The following NR4A3 variants were observed in gnomAD, a reference collection of about 807,000 sequenced individuals.
NR4A3 encodes the protein nuclear receptor subfamily 4 group A member 3, also known as chondrosarcoma, extraskeletal myxoid, fused to EWS.
A neutral mutation model predicts 55.6 loss-of-function variants in NR4A3; 13 were observed. That is an observed-to-expected ratio of 0.23 (90% CI 0.15 to 0.37). The LOEUF (loss-of-function observed/expected upper bound fraction) is 0.37. Among genes scored for constraint, NR4A3 ranks in the 10% least tolerant of loss-of-function variants. NR4A3 has a pLI of 1.00. For missense variants in NR4A3, 646 were observed against 822.8 expected, an observed-to-expected ratio of 0.79 and a Z score of 2.63; for synonymous variants, 342 against 357.9, an observed-to-expected ratio of 0.96 and a Z score of 0.50.
At chr9:99,833,026 C>T (rs1291533945) in intron 4 of NR4A3, among the ~76,000 whole-genome samples, 3 of 152,110 alleles carry the variant, frequency 2.0e-5, no homozygotes, top group Non-Finnish European at 4.4e-5. Context: ...TGTATACATA[C>T]ATCTTTGTTC....
At chr9:99,855,660 A>G (rs958495945) in intron 7 of NR4A3, among the ~76,000 whole-genome samples, 4 of 152,218 alleles carry the variant, frequency 2.6e-5, no homozygotes, top group Non-Finnish European at 5.9e-5. Context: ...CGTGGGCTCA[A>G]TGTCTCTGGG....
intron 7 of NR4A3, among the ~76,000 whole-genome samples, chr9:99,852,625 G>A (rs1160961784): frequency 6.6e-6 from 1 of 152,204 alleles, no homozygotes; most frequent in Non-Finnish European, 1.5e-5. Context: ...GTGCTCAAAT[G>A]CCATTTTGTT....
chr9:99,860,742 C>A (rs1827996637), intron 7 of NR4A3, among the ~76,000 whole-genome samples: 1 of 152,210 alleles, frequency 6.6e-6, no homozygotes, highest in South Asian at 2.1e-4. Flanking sequence ...TGATGCACTG[C>A]AAAGCTTGGA....
chr9:99,862,582 A>AAAAAG (rs1564041242), intron 7 of NR4A3, among the ~76,000 whole-genome samples: 171 of 116,014 alleles, frequency 1.5e-3, no homozygotes, highest in Non-Finnish European at 2.2e-3. Flanking sequence ...AAAAAAAAAA[A>AAAAAG]AGAGAGAGAA....
rs1215540317 is a variant in NR4A3 at position 99,865,941 on chromosome 9, G to C, written c.*2074G>C. On this transcript the variant is annotated 3_prime_UTR_variant, in exon 8 of 8. Transcript: ENST00000395097. The surrounding 1 kb of genome is among the most constrained non-coding windows in gnomAD (Gnocchi z 4.3). Reference sequence around the variant, plus strand: ...TTAAAATTCATAGAGGAGCAAACTGGGGCCCATTGAAGGGTGAAGAGTTAC... The same window carrying C: ...TTAAAATTCATAGAGGAGCAAACTGCGGCCCATTGAAGGGTGAAGAGTTAC... 4.6e-6 allele frequency: 1 copy of C among 219,196 alleles called. No homozygotes were observed. The highest frequency in any genetic ancestry group is 5.8e-5 in the Admixed American group (1 of 17,284). The allele number at this position is 219,196 out of a possible 1,614,324, so 13.6% of individuals were successfully genotyped here. A position where few individuals can be genotyped will look rare whatever the true frequency, so the allele number is the denominator to read the frequency against.
intron 2 of NR4A3, chr9:99,826,747 T>A: frequency 6.2e-7 from 1 of 1,613,526 alleles, no homozygotes; most frequent in Non-Finnish European, 8.5e-7. Context: ...TCACCTTTTT[T>A]CAAGTCAAGA....
chr9:99,827,701 T>C (rs1827329328), intron 2 of NR4A3, among the ~76,000 whole-genome samples: 1 of 152,174 alleles, frequency 6.6e-6, no homozygotes, highest in Non-Finnish European at 1.5e-5. Flanking sequence ...CCACTCCAAT[T>C]AGTTTATAGG....
intron 5 of NR4A3, among the ~76,000 whole-genome samples, chr9:99,834,379 C>G (rs901928235): frequency 6.6e-6 from 1 of 152,100 alleles, no homozygotes; most frequent in African/African-American, 2.4e-5. Context: ...GAAAAAAAAT[C>G]ACAATTATTG....
In NR4A3 at chr9:99,866,599, G is replaced by A. The variant is rs139531298; in HGVS notation, c.*2732G>A. On this transcript the variant is annotated 3_prime_UTR_variant, in exon 8 of 8. Transcript: ENST00000395097. ...AATGTTGCACATAAGTTTATACAGA[G>A]TGGATGACCACACTAGCACAGAAGA... 10 of 228,420 alleles carry A rather than the reference G, an allele frequency of 4.4e-5. No individual in the cohort carries two copies. The East Asian group carries it at 6.3e-4, about 14-fold the overall frequency. 14.1% of individuals were successfully genotyped at this position (228,420 alleles called of 1,614,324 possible).
At chr9:99,826,720 C>A in intron 2 of NR4A3, 1 of 1,577,408 alleles carries the variant, frequency 6.3e-7, no homozygotes, top group Non-Finnish European at 8.7e-7. Context: ...ATCACTGCTT[C>A]TTCCAACAGG....
chr9:99,857,562 G>A lies in NR4A3; in HGVS notation c.1634-6058G>A, dbSNP rs188006115. Among the ~76,000 whole-genome samples, 622 of 151,970 alleles carry A rather than the reference G, an allele frequency of 4.1e-3. 1 individual carries two copies. The highest frequency in any genetic ancestry group is 7.6e-3 in the Non-Finnish European group (516 of 67,964). On this transcript the variant is annotated intron_variant, in intron 7 of 7. Coordinates refer to ENST00000395097, the MANE Select transcript of NR4A3 (RefSeq NM_006981.4). ...AGCACTTTGGGAGGCCAAGGCAGGC[G>A]GATCACAAGGTCAAGAGATGGACAC...
chr9:99,827,490 G>T (rs189483628), intron 2 of NR4A3, among the ~76,000 whole-genome samples: 23 of 152,298 alleles, frequency 1.5e-4, no homozygotes, highest in African/African-American at 5.3e-4. Flanking sequence ...ACCACAACGT[G>T]TGTGGGCAAC....
intron 7 of NR4A3, among the ~76,000 whole-genome samples, chr9:99,855,348 G>A (rs977651750): frequency 5.3e-5 from 8 of 152,160 alleles, no homozygotes; most frequent in Admixed American, 1.3e-4. Context: ...GGCCAATTGT[G>A]AGTATCAGAA....
At chr9:99,844,872 A>C (rs975311245) in intron 6 of NR4A3, 24 bp downstream of exon 6, 52 of 1,571,298 alleles carry the variant, frequency 3.3e-5, no homozygotes, top group Non-Finnish European at 4.1e-5. Context: ...TTTTATCTTC[A>C]GTCTACGTCC....
chr9:99,828,138 C>A lies in NR4A3; in HGVS notation c.96C>A (p.Asn32Lys). 6.2e-7 allele frequency: 1 copy of A among 1,614,110 alleles called. No individual in the cohort carries two copies. The highest frequency in any genetic ancestry group is 8.5e-7 in the Non-Finnish European group (1 of 1,180,028). The change falls in exon 3 of 8, where the codon AAC becomes AAA. Residue 32 changes from asparagine (N) to lysine (K), a missense_variant. Physicochemically the swap from Asn to Lys is moderately conservative, Grantham distance 94. Around this residue, in one of 5 missense-constraint regions of NR4A3, gnomAD observed 426 missense variants for 429.4 expected, o/e 0.99. Coordinates refer to ENST00000395097, the MANE Select transcript of NR4A3 (RefSeq NM_006981.4). This position sits in a 1 kb window ranked among gnomAD's most constrained non-coding sequence, Gnocchi z 7.7. ...YSSEYTTEIM[N>K]PDYTKLTMDL... ...CGGAATACACCACGGAGATCATGAA[C>A]CCCGACTACACCAAGCTGACCATGG...
At chr9:99,843,063 A>G (rs1827682162) in intron 5 of NR4A3, among the ~76,000 whole-genome samples, 1 of 152,222 alleles carries the variant, frequency 6.6e-6, no homozygotes, top group Non-Finnish European at 1.5e-5. Context: ...TTGCTGTGTC[A>G]GTCTTCCTGC....
chr9:99,828,407 G>C lies in NR4A3; in HGVS notation c.365G>C (p.Ser122Thr). The change falls in exon 3 of 8, where the codon AGC becomes ACC. Residue 122 changes from serine to threonine, a missense_variant. Ser to Thr is a moderately conservative substitution (Grantham distance 58). This residue lies in a region of NR4A3 where 426 missense variants were observed against 429.4 expected (regional missense o/e 0.99). Transcript: ENST00000395097. The surrounding 1 kb of genome is among the most constrained non-coding windows in gnomAD (Gnocchi z 7.7). ...HQQPSIPPAS[S>T]PEDEVLPSTS... ...CAGCCATCCATTCCTCCAGCCTCCA[G>C]CCCGGAGGACGAGGTGCTGCCCAGC... 2.5e-6 allele frequency: 4 copies of C among 1,587,312 alleles called. No homozygotes were observed. Among genetic ancestry groups the C allele is most frequent in the Non-Finnish European group, 3.4e-6 (4 of 1,166,314 alleles).
At position 99,828,461 on chromosome 9, in the gene NR4A3, C is replaced by G; in HGVS notation, c.419C>G (p.Pro140Arg). 6.3e-7 allele frequency: 1 copy of G among 1,575,874 alleles called. No individual in the cohort carries two copies. The highest frequency in any genetic ancestry group is 8.6e-7 in the Non-Finnish European group (1 of 1,161,986). The change falls in exon 3 of 8, where the codon CCG (proline) becomes CGG (arginine). Residue 140 changes from proline to arginine, a missense_variant. Pro to Arg is a moderately radical substitution (Grantham distance 103). Coordinates refer to ENST00000395097, the MANE Select transcript of NR4A3 (RefSeq NM_006981.4). This position sits in a 1 kb window ranked among gnomAD's most constrained non-coding sequence, Gnocchi z 7.7. ...STSMYFKQSPPSTPTTPAFPP... is the reference protein window; with the variant it reads ...STSMYFKQSPRSTPTTPAFPP... ...TCCATGTACTTCAAGCAGTCCCCAC[C>G]GTCCACCCCCACCACGCCGGCCTTC...
chr9:99,848,600 A>AC (rs1827796119), intron 7 of NR4A3, among the ~76,000 whole-genome samples: 1 of 152,186 alleles, frequency 6.6e-6, no homozygotes, highest in South Asian at 2.1e-4. Context: ...CCGCCTTGGC[A>AC]CCCCAAGTGC....
Sources: gnomAD v4.1 joint callset for allele counts (sites outside exome capture counted in the v4.1 genomes callset) on GRCh38, gnomAD v4.1.1 for gene constraint, gnomAD v4.1.1 regional missense constraint, Gnocchi (gnomAD v3.1) non-coding constraint, MANE v1.5 for transcripts, NCBI Gene and HGNC (gene_info 2026-07-23, HGNC 2026-07-21) for gene names.